MDGA2: variants seen among roughly 807,000 people sequenced by gnomAD.
MDGA2 encodes the protein MAM domain containing glycosylphosphatidylinositol anchor 2, also known as MAM domain-containing glycosylphosphatidylinositol anchor protein 2.
A neutral mutation model predicts 117.8 loss-of-function variants in MDGA2; 40 were observed. The observed-to-expected ratio is 0.34, with a 90% confidence interval of 0.26 to 0.44. MDGA2 has a LOEUF of 0.44. Ranked by LOEUF, MDGA2 falls within the 20% of genes least tolerant of loss-of-function variation. MDGA2 has a pLI of 1.00. For missense variants in MDGA2, 1,123 were observed against 1,250.6 expected (o/e 0.90, Z 1.54); for synonymous variants, 452 against 439.0 (o/e 1.03, Z -0.37).
intron 1 of MDGA2, among the ~76,000 whole-genome samples, chr14:47,481,564 A>T (rs992693067): frequency 1.3e-5 from 2 of 152,020 alleles, no homozygotes; most frequent in Non-Finnish European, 2.9e-5. Context: ...GCCTACAGAC[A>T]AAAGTAATCA....
At chr14:47,431,167 A>G (rs1892790812) in intron 1 of MDGA2, among the ~76,000 whole-genome samples, 2 of 152,008 alleles carry the variant, frequency 1.3e-5, no homozygotes, top group African/African-American at 4.8e-5. Context: ...GTATATATTC[A>G]TATTCCTGTA....
chr14:47,115,885 C>A (rs984976709), intron 5 of MDGA2, among the ~76,000 whole-genome samples: 1 of 151,962 alleles, frequency 6.6e-6, no homozygotes, highest in Non-Finnish European at 1.5e-5. Context: ...GGAAAGGATG[C>A]CTGCTTTCAC....
At chr14:47,487,343 A>T (rs892036038) in intron 1 of MDGA2, among the ~76,000 whole-genome samples, 2 of 152,230 alleles carry the variant, frequency 1.3e-5, no homozygotes, top group African/African-American at 4.8e-5. Context: ...ATCTTTCCAC[A>T]ATAAGGAATA....
chr14:47,498,841 T>C (rs940750966), intron 1 of MDGA2, among the ~76,000 whole-genome samples: 3 of 152,160 alleles, frequency 2.0e-5, no homozygotes, highest in African/African-American at 7.2e-5. Context: ...GGCATATATA[T>C]ATACCCTGTG....
chr14:47,620,513 G>A (rs1021961711), intron 1 of MDGA2, among the ~76,000 whole-genome samples: 6 of 152,128 alleles, frequency 3.9e-5, no homozygotes, highest in African/African-American at 4.8e-5. Context: ...TTGTAGATGC[G>A]TACAAATATA....
chr14:47,602,346 T>A (rs1397805368), intron 1 of MDGA2, among the ~76,000 whole-genome samples: 1 of 152,064 alleles, frequency 6.6e-6, no homozygotes, highest in African/African-American at 2.4e-5. Context: ...TGCTTCCAGA[T>A]CATGGTGAGC....
At chr14:47,252,917 A>G (rs546115638) in intron 2 of MDGA2, among the ~76,000 whole-genome samples, 1 of 152,296 alleles carries the variant, frequency 6.6e-6, no homozygotes, top group South Asian at 2.1e-4. Flanking sequence ...AGGAAATTTA[A>G]CAATCATGGC....
chr14:47,432,043 T>G (rs892991784), intron 1 of MDGA2, among the ~76,000 whole-genome samples: 10 of 152,070 alleles, frequency 6.6e-5, no homozygotes, highest in African/African-American at 2.4e-4. Flanking sequence ...GAGATTAACA[T>G]AAATGACCAA....
At chr14:47,042,200 G>T (rs1889094343) in intron 7 of MDGA2, among the ~76,000 whole-genome samples, 1 of 151,756 alleles carries the variant, frequency 6.6e-6, no homozygotes, top group Admixed American at 6.6e-5. Context: ...TACCCTTAGA[G>T]AACAGAATTC....
intron 1 of MDGA2, among the ~76,000 whole-genome samples, chr14:47,526,276 A>G (rs192931360): frequency 5.1e-4 from 77 of 152,308 alleles, no homozygotes; most frequent in African/African-American, 1.8e-3. Flanking sequence ...TTAAATGAAT[A>G]TTATAAATAG....
chr14:47,554,884 A>T (rs1212601465), intron 1 of MDGA2, among the ~76,000 whole-genome samples: 4 of 152,076 alleles, frequency 2.6e-5, no homozygotes, highest in Non-Finnish European at 5.9e-5. Flanking sequence ...GACCTATCTG[A>T]CCTCTCTTTT....
chr14:47,107,089 A>C (rs1880742481), intron 5 of MDGA2, among the ~76,000 whole-genome samples: 1 of 138,980 alleles, frequency 7.2e-6, no homozygotes, highest in Non-Finnish European at 1.6e-5. Context: ...AGTATAAGAC[A>C]CCTCTACTCC....
At chr14:47,459,769 T>C (rs1893444755) in intron 1 of MDGA2, among the ~76,000 whole-genome samples, 1 of 152,168 alleles carries the variant, frequency 6.6e-6, no homozygotes, top group Non-Finnish European at 1.5e-5. Flanking sequence ...CTTATCAAAA[T>C]TGTTATGGAA....
At chr14:47,106,535 GA>G (rs1880692494) in intron 5 of MDGA2, among the ~76,000 whole-genome samples, 1 of 151,748 alleles carries the variant, frequency 6.6e-6, no homozygotes. Context: ...ATCTGTGCGG[GA>G]CCCCACTGAA....
At chr14:47,435,622 A>C (rs960910772) in intron 1 of MDGA2, among the ~76,000 whole-genome samples, 1 of 152,118 alleles carries the variant, frequency 6.6e-6, no homozygotes, top group Non-Finnish European at 1.5e-5. Flanking sequence ...TTTGTTTTCT[A>C]AAACTTTCTA....
chr14:47,663,390 T>C (rs1451533263), intron 1 of MDGA2, among the ~76,000 whole-genome samples: 1 of 152,210 alleles, frequency 6.6e-6, no homozygotes, highest in Non-Finnish European at 1.5e-5. Flanking sequence ...TTGACCAATA[T>C]ACTTGACTAA....
intron 2 of MDGA2, among the ~76,000 whole-genome samples, chr14:47,289,502 T>C (rs1236244483): frequency 6.6e-6 from 1 of 152,024 alleles, no homozygotes; most frequent in African/African-American, 2.4e-5. Context: ...TTTGGTGATC[T>C]TCCTACTTAA....
intron 6 of MDGA2, among the ~76,000 whole-genome samples, chr14:47,087,460 C>CAAA (rs749371957): frequency 0.16 from 10,832 of 67,344 alleles, 871 homozygotes; most frequent in East Asian, 0.33. Flanking sequence ...GACTCCACAT[C>CAAA]AAAAAAAAAA....
intron 3 of MDGA2, among the ~76,000 whole-genome samples, chr14:47,180,013 C>T (rs994363038): frequency 7.7e-6 from 1 of 129,668 alleles, no homozygotes; most frequent in Non-Finnish European, 1.7e-5. Flanking sequence ...TATTCTTATT[C>T]TATTCTTTAA....
Sources: allele counts gnomAD v4.1 joint callset (sites outside exome capture counted in the v4.1 genomes callset), GRCh38; gene constraint gnomAD v4.1.1; transcripts MANE v1.5; gene names NCBI Gene and HGNC (gene_info 2026-07-23, HGNC 2026-07-21).